POC5: variants seen among roughly 807,000 people sequenced by gnomAD.
POC5 encodes the protein centrosomal protein POC5.
In POC5, 48 loss-of-function variants were observed where a neutral mutation model predicts 62.9. The ratio of observed to expected loss-of-function variants is 0.76; its 90% CI spans 0.61 to 0.97. The LOEUF (loss-of-function observed/expected upper bound fraction) is 0.97. POC5 is among the 50% of genes least tolerant of loss of function. POC5 has a pLI of 0.00. For missense variants in POC5, 696 were observed against 679.5 expected (o/e 1.02, Z -0.27); for synonymous variants, 236 against 228.2 (o/e 1.03, Z -0.31).
chr5:75,682,095 CT>C (rs1383895768), intron 10 of POC5, among the ~76,000 whole-genome samples: 1 of 152,224 alleles, frequency 6.6e-6, no homozygotes, highest in Non-Finnish European at 1.5e-5. Context: ...GAGTGTGTAT[CT>C]GTTTTTGAAG....
chr5:75,684,870 CTTTT>C (rs369470317), intron 10 of POC5, among the ~76,000 whole-genome samples: 4 of 136,338 alleles, frequency 2.9e-5, no homozygotes, highest in African/African-American at 2.7e-5. Flanking sequence ...TACAAACAAG[CTTTT>C]TTTTTTTTTT....
intron 8 of POC5, chr5:75,689,606 A>T: frequency 1.0e-6 from 1 of 985,122 alleles, no homozygotes; most frequent in Non-Finnish European, 1.2e-6. Flanking sequence ...TGAAGTGCAG[A>T]GTGACCCTAG....
chr5:75,696,986 A>C (rs976919174), intron 5 of POC5, among the ~76,000 whole-genome samples: 6 of 151,976 alleles, frequency 3.9e-5, no homozygotes, highest in African/African-American at 7.3e-5. Context: ...GAAATGAAGC[A>C]AGAAGGGAAG....
intron 5 of POC5, among the ~76,000 whole-genome samples, chr5:75,698,275 GCACCA>G (rs1183527489): frequency 4.0e-5 from 6 of 148,484 alleles, no homozygotes; most frequent in Non-Finnish European, 7.5e-5. Context: ...ATTTTTTTCA[GCACCA>G]CACCACACCT....
chr5:75,699,471 T>C (rs1055666696), intron 5 of POC5, among the ~76,000 whole-genome samples: 12 of 150,844 alleles, frequency 8.0e-5, no homozygotes, highest in Non-Finnish European at 1.5e-4. Flanking sequence ...AAAAACCACA[T>C]GATTATCTCA....
chr5:75,682,775 A>G (rs889563263), intron 10 of POC5, among the ~76,000 whole-genome samples: 1 of 152,100 alleles, frequency 6.6e-6, no homozygotes, highest in South Asian at 2.1e-4. Flanking sequence ...TCGGCCTCCC[A>G]GAGTGCTGGG....
chr5:75,705,510 G>C (rs1453080236), intron 4 of POC5, 194 bp downstream of exon 4: 7 of 449,516 alleles, frequency 1.6e-5, no homozygotes, highest in Non-Finnish European at 2.7e-5. Flanking sequence ...ATAATGCATT[G>C]ACCTGTCTTA....
intron 5 of POC5, among the ~76,000 whole-genome samples, chr5:75,696,674 C>A (rs893695110): frequency 1.5e-4 from 23 of 152,342 alleles, no homozygotes; most frequent in Non-Finnish European, 2.9e-4. Flanking sequence ...CAAAGGATCG[C>A]AGTTCCTCAC....
intron 9 of POC5, among the ~76,000 whole-genome samples, chr5:75,687,946 T>A (rs1776168551): frequency 6.6e-6 from 1 of 152,098 alleles, no homozygotes; most frequent in African/African-American, 2.4e-5. Flanking sequence ...ATTGGAAAAA[T>A]CAAGTACTCA....
At chr5:75,707,629 G>T in intron 3 of POC5, 108 bp downstream of exon 3, 1 of 883,840 alleles carries the variant, frequency 1.1e-6, no homozygotes, top group Non-Finnish European at 1.7e-6. Flanking sequence ...CACATAAATG[G>T]TTGAGAAGAA....
intron 4 of POC5, 42 bp downstream of exon 4, chr5:75,705,662 A>G: frequency 8.1e-7 from 1 of 1,227,352 alleles, no homozygotes; most frequent in Non-Finnish European, 1.1e-6. Context: ...CAAACCACAA[A>G]ATGTTGTATA....
At position 75,674,285 on chromosome 5, in the gene POC5, G is replaced by GTC; in HGVS notation, c.*149_*150insGA. The GTC allele has an allele frequency of 3.0e-6, 2 of 666,270 alleles. No homozygotes were observed. The allele number at this position is 666,270 out of a possible 1,614,324, so 41.3% of individuals were successfully genotyped here. ...TTTCTACATATAGTTACAAAGCATG[G>GTC]TAGAGCTTGAAAAAGCCTCTTGTAA... On this transcript the variant is annotated 3_prime_UTR_variant, in exon 12 of 12. Coordinates refer to ENST00000428202, the MANE Select transcript of POC5 (RefSeq NM_001099271.2).
intron 6 of POC5, 73 bp from the exon 7 acceptor site, chr5:75,692,573 T>C (rs1580018316): frequency 9.4e-7 from 1 of 1,063,726 alleles, no homozygotes; most frequent in Non-Finnish European, 1.4e-6. Context: ...TTCTCATATA[T>C]CAAAAAATGC....
chr5:75,694,300 G>C (rs66493518), intron 6 of POC5, among the ~76,000 whole-genome samples: 37,267 of 151,810 alleles, frequency 0.25, 4,786 homozygotes, highest in South Asian at 0.32. Flanking sequence ...GAAAGGATTA[G>C]AAAGAAAAAA....
chr5:75,712,494 T>C, intron 2 of POC5: 1 of 1,523,478 alleles, frequency 6.6e-7, no homozygotes, highest in South Asian at 1.1e-5. Flanking sequence ...TCTAGAACTT[T>C]GGATGGTTTG....
intron 10 of POC5, among the ~76,000 whole-genome samples, chr5:75,680,866 C>A (rs1356051221): frequency 6.6e-6 from 1 of 152,004 alleles, no homozygotes; most frequent in Non-Finnish European, 1.5e-5. Context: ...CAGTTTGGCT[C>A]CACATTTAAA....
chr5:75,711,619 A>G (rs1399328327), intron 2 of POC5, among the ~76,000 whole-genome samples: 6 of 152,174 alleles, frequency 3.9e-5, no homozygotes, highest in Admixed American at 3.9e-4. Context: ...AAGTGCTTCC[A>G]GTAGTGAAAC....
intron 11 of POC5, among the ~76,000 whole-genome samples, 153 bp from the exon 12 acceptor site, chr5:75,674,731 T>G (rs17648910): frequency 0.066 from 9,988 of 152,264 alleles, 344 homozygotes; most frequent in South Asian, 0.11. Flanking sequence ...GTTAATTAGA[T>G]GAGGCCTTTG....
rs368686445 is a variant in POC5, at chr5:75,681,087, GA to G, written c.1408-3138del. Among the ~76,000 whole-genome samples, 1,503 of 151,738 alleles carry G rather than the reference GA, an allele frequency of 9.9e-3. 28 individuals are homozygous for G. The highest frequency in any genetic ancestry group is 0.035 in the African/African-American group (1,447 of 41,416). On this transcript the variant is annotated intron_variant, in intron 10 of 11. Transcript: ENST00000428202. ...TAAGCAACAAAATTGAAAGGAGTAA[GA>G]AAAAAAATGAAATGACATTAAAAAC...
Sources: gnomAD v4.1 joint callset for allele counts (sites outside exome capture counted in the v4.1 genomes callset) on GRCh38, gnomAD v4.1.1 for gene constraint, MANE v1.5 for transcripts, NCBI Gene and HGNC (gene_info 2026-07-23, HGNC 2026-07-21) for gene names.